Variants in DCHS2 observed in about 807,000 individuals in gnomAD.
The protein encoded by DCHS2 is dachsous cadherin-related 2, also known as protocadherin-23.
Under a neutral mutation model 182.4 loss-of-function variants are expected in DCHS2, and 142 were observed. The observed-to-expected ratio is 0.78, with a 90% CI of 0.68 to 0.89. The LOEUF (loss-of-function observed/expected upper bound fraction) is 0.89. Ranked by LOEUF, DCHS2 falls within the 40% of genes least tolerant of loss-of-function variation. The pLI, the probability that DCHS2 is intolerant of heterozygous loss-of-function variation, is 0.00. For synonymous variants in DCHS2, 1,740 were observed against 1,663.3 expected (o/e 1.05, Z -1.12); for missense variants, 4,319 against 4,198.6 (o/e 1.03, Z -0.79).
chr4:154,361,004 A>G (rs1561067049), intron 3 of DCHS2, among the ~76,000 whole-genome samples: 1 of 152,210 alleles, frequency 6.6e-6, no homozygotes, highest in Non-Finnish European at 1.5e-5. Flanking sequence ...CTGCTGCATC[A>G]TAAGCACTGA....
At position 154,343,502 on chromosome 4, in the gene DCHS2, C is replaced by A. The variant is rs937216164; in HGVS notation, c.2477-8398G>T. ...GAATCTTAGCTAGATTTGCTACATA[C>A]CTTGCTGCAGCTTCTCCATCAGCAC... is the stretch of plus-strand genomic sequence containing the variant. On this transcript the variant is annotated intron_variant, in intron 3 of 19. Coordinates refer to ENST00000357232, the MANE Select transcript of DCHS2 (RefSeq NM_001358235.2). 5 of 1,489,394 alleles carry A rather than the reference C, an allele frequency of 3.4e-6. No homozygotes were observed. In the African/African-American group the frequency reaches 6.9e-5, roughly 21 times the overall value. The allele number at this position is 1,489,394 out of a possible 1,614,324, so 92.3% of individuals were successfully genotyped here.
intron 7 of DCHS2, 74 bp downstream of exon 7, chr4:154,328,019 C>T: frequency 9.3e-7 from 1 of 1,070,982 alleles, no homozygotes; most frequent in Non-Finnish European, 1.3e-6. Flanking sequence ...ACTTCTTTTC[C>T]CAGAAGGGGA....
intron 1 of DCHS2, among the ~76,000 whole-genome samples, chr4:154,434,626 C>A (rs778903972): frequency 7.2e-5 from 11 of 152,028 alleles, no homozygotes; most frequent in Non-Finnish European, 1.2e-4. Context: ...TATAACTAAC[C>A]TGTACCTATA....
intron 3 of DCHS2, among the ~76,000 whole-genome samples, chr4:154,346,272 C>T (rs1254539701): frequency 6.6e-6 from 1 of 152,186 alleles, no homozygotes; most frequent in Non-Finnish European, 1.5e-5. Context: ...TATTATACAT[C>T]TGTAACCATT....
At chr4:154,340,639 C>A (rs1478274874) in intron 3 of DCHS2, among the ~76,000 whole-genome samples, 2 of 152,104 alleles carry the variant, frequency 1.3e-5, no homozygotes, top group Non-Finnish European at 2.9e-5. Flanking sequence ...AATGTTAGTC[C>A]ATGAAGCAAA....
At chr4:154,467,869 C>A (rs900964355) in intron 1 of DCHS2, among the ~76,000 whole-genome samples, 1 of 151,832 alleles carries the variant, frequency 6.6e-6, no homozygotes, top group African/African-American at 2.4e-5. Context: ...TATCATAATC[C>A]CTGTAGTCCG....
chr4:154,395,173 T>C (rs1317272914), intron 1 of DCHS2, among the ~76,000 whole-genome samples: 1 of 152,200 alleles, frequency 6.6e-6, no homozygotes. Context: ...GCTGTTTATA[T>C]CATTAAGGGC....
chr4:154,342,543 T>C (rs1729156225), intron 3 of DCHS2, among the ~76,000 whole-genome samples: 1 of 152,250 alleles, frequency 6.6e-6, no homozygotes, highest in African/African-American at 2.4e-5. Flanking sequence ...TCTAAATCCT[T>C]TGTTGTCATT....
intron 1 of DCHS2, among the ~76,000 whole-genome samples, chr4:154,384,818 C>A (rs1182406453): frequency 6.6e-6 from 1 of 152,024 alleles, no homozygotes; most frequent in African/African-American, 2.4e-5. Context: ...ACCCCAGAGC[C>A]CCCAGAAGGA....
intron 1 of DCHS2, among the ~76,000 whole-genome samples, chr4:154,382,168 A>G (rs1382111834): frequency 6.6e-6 from 1 of 152,156 alleles, no homozygotes; most frequent in Admixed American, 6.6e-5. Context: ...AAAGTTGAAT[A>G]AGCAATAAGG....
chr4:154,465,028 C>G (rs996526066), intron 1 of DCHS2, among the ~76,000 whole-genome samples: 2 of 152,214 alleles, frequency 1.3e-5, no homozygotes, highest in Non-Finnish European at 2.9e-5. Flanking sequence ...AGATCATCAT[C>G]TGCATTAGTT....
In DCHS2 at chr4:154,332,878, TG is replaced by T. The variant is rs1446744969; in HGVS notation, c.3329del (p.Pro1110HisfsTer19). 6 of 1,614,192 alleles carry T rather than the reference TG, an allele frequency of 3.7e-6. No individual in the cohort carries two copies. The South Asian group carries it at 6.6e-5, about 18-fold the overall frequency. On this transcript the variant is annotated frameshift_variant, in exon 5 of 20. Coordinates refer to ENST00000357232, the MANE Select transcript of DCHS2 (RefSeq NM_001358235.2). LOFTEE classifies it high-confidence loss of function. ...MTQMLQTQAHPLGPQRAASPL... is the reference protein window; with the variant it reads ...MTQMLQTQAHXLGPQRAASPL... ...GCGAGGCTGCACGCTGGGGGCCAAG[TG>T]GGTGCGCCTGTGTTTGCAGCATTTG...
At chr4:154,345,315 A>G (rs952767746) in intron 3 of DCHS2, among the ~76,000 whole-genome samples, 1 of 152,124 alleles carries the variant, frequency 6.6e-6, no homozygotes, top group Non-Finnish European at 1.5e-5. Flanking sequence ...TATCCACTTA[A>G]CCAGCTGTCT....
At chr4:154,474,852 T>C (rs1408706470) in intron 1 of DCHS2, among the ~76,000 whole-genome samples, 2 of 152,200 alleles carry the variant, frequency 1.3e-5, no homozygotes, top group African/African-American at 4.8e-5. Flanking sequence ...CCTGGCAACA[T>C]AGGAAGTGCT....
At chr4:154,268,699 C>T (rs1355692300) in intron 14 of DCHS2, among the ~76,000 whole-genome samples, 4 of 152,132 alleles carry the variant, frequency 2.6e-5, no homozygotes, top group African/African-American at 4.8e-5. Flanking sequence ...GTCCATTAAA[C>T]AGTCTTACAT....
chr4:154,321,350 A>T, intron 8 of DCHS2, 128 bp from the exon 9 acceptor site: 1 of 1,067,140 alleles, frequency 9.4e-7, no homozygotes, highest in Non-Finnish European at 1.2e-6. Context: ...TAGTGAGAAA[A>T]ATGTCATTTT....
In DCHS2 at chr4:154,490,738, C is replaced by T. The variant is rs569237329; in HGVS notation, c.618G>A (p.Leu206=). 1 of 1,551,614 alleles carries T rather than the reference C, an allele frequency of 6.4e-7. No homozygotes were observed. The highest frequency in any genetic ancestry group is 2.4e-5 in the East Asian group (1 of 40,898). ...AGLFSTQGYT[L]VQPSDLPKDP... The stretch of plus-strand genomic sequence containing the variant: ...CCTTGGGCAGGTCGGACGGTTGCAC[C>T]AGGGTGTAGCCCTGAGTGCTGAACA... The change falls in exon 1 of 20, where the codon CTG becomes CTA. Residue 206 remains leucine (L), a synonymous_variant. Coordinates refer to ENST00000357232, the MANE Select transcript of DCHS2 (RefSeq NM_001358235.2).
At chr4:154,376,004 A>G (rs1451541874) in intron 2 of DCHS2, among the ~76,000 whole-genome samples, 1 of 152,154 alleles carries the variant, frequency 6.6e-6, no homozygotes, top group East Asian at 1.9e-4. Context: ...CCATTCACTG[A>G]AAGTTAAAAA....
intron 1 of DCHS2, among the ~76,000 whole-genome samples, chr4:154,467,147 GA>G (rs1430853400): frequency 2.6e-5 from 4 of 152,082 alleles, no homozygotes; most frequent in Non-Finnish European, 5.9e-5. Context: ...TTTTTAAATA[GA>G]AAAAATCAAA....
Sources: allele counts gnomAD v4.1 joint callset (sites outside exome capture counted in the v4.1 genomes callset), GRCh38; gene constraint gnomAD v4.1.1; transcripts MANE v1.5; gene names NCBI Gene and HGNC (gene_info 2026-07-23, HGNC 2026-07-21).